DCDC2C: variants seen among roughly 807,000 people sequenced by gnomAD.
DCDC2C encodes the protein doublecortin domain containing 2C.
A neutral mutation model predicts 45.0 loss-of-function variants in DCDC2C; 44 were observed. That is an observed-to-expected ratio of 0.98 (90% CI 0.77 to 1.26). The LOEUF is 1.26. Ranked by LOEUF, DCDC2C falls within the 50% of genes most tolerant of loss-of-function variation. DCDC2C has a pLI of 0.00. For synonymous variants in DCDC2C, 187 were observed against 178.8 expected, an observed-to-expected ratio of 1.05 and a Z score of -0.37; for missense variants, 447 against 468.9, an observed-to-expected ratio of 0.95 and a Z score of 0.43.
chr2:3,786,894 G>A (rs1282830802), intron 10 of DCDC2C, among the ~76,000 whole-genome samples: 2 of 152,276 alleles, frequency 1.3e-5, no homozygotes, highest in Non-Finnish European at 2.9e-5. Flanking sequence ...CGAGGCAATG[G>A]ATTGGAAAGT....
chr2:3,831,177 C>A (rs79305671), intron 10 of DCDC2C, among the ~76,000 whole-genome samples: 3,787 of 151,988 alleles, frequency 0.025, 56 homozygotes, highest in Admixed American at 0.037. Context: ...TGTAGACAGC[C>A]CTCTTCCAAA....
At chr2:3,747,461 G>A (rs533730602) in intron 4 of DCDC2C, among the ~76,000 whole-genome samples, 2 of 152,370 alleles carry the variant, frequency 1.3e-5, no homozygotes, top group African/African-American at 4.8e-5. Flanking sequence ...GGGAGGCGAA[G>A]TGGGCCATTG....
chr2:3,820,181 A>T (rs1005632228), intron 10 of DCDC2C, among the ~76,000 whole-genome samples: 10 of 152,212 alleles, frequency 6.6e-5, no homozygotes, highest in Admixed American at 1.3e-4. Flanking sequence ...GACGAAAATC[A>T]TCCAGGTCTT....
chr2:3,773,743 A>G (rs1167583801), intron 8 of DCDC2C, among the ~76,000 whole-genome samples: 2 of 152,228 alleles, frequency 1.3e-5, no homozygotes, highest in Non-Finnish European at 2.9e-5. Context: ...TCTTGGGGAA[A>G]TAGTCTAGAA....
At chr2:3,784,656 G>A (rs1263915644) in intron 9 of DCDC2C, among the ~76,000 whole-genome samples, 1 of 152,068 alleles carries the variant, frequency 6.6e-6, no homozygotes, top group African/African-American at 2.4e-5. Flanking sequence ...ATTAACTTAT[G>A]TTTTACCAAT....
chr2:3,789,391 C>T (rs1670746848), intron 10 of DCDC2C, among the ~76,000 whole-genome samples: 1 of 152,118 alleles, frequency 6.6e-6, no homozygotes, highest in Non-Finnish European at 1.5e-5. Flanking sequence ...CATTGCTCAA[C>T]TTTATACTGT....
chr2:3,820,344 G>A (rs774655794), intron 10 of DCDC2C, among the ~76,000 whole-genome samples: 3 of 152,136 alleles, frequency 2.0e-5, no homozygotes, highest in South Asian at 2.1e-4. Flanking sequence ...GAGAACACAG[G>A]CTAAGGGAGA....
intron 2 of DCDC2C, among the ~76,000 whole-genome samples, chr2:3,712,492 A>AAAAG (rs1167034875): frequency 2.0e-5 from 3 of 148,446 alleles, no homozygotes; most frequent in African/African-American, 7.8e-5. Flanking sequence ...TCTCTACAAA[A>AAAAG]AAAAAAAAAA....
At chr2:3,844,672 T>C (rs542804433) in intron 10 of DCDC2C, 1 of 152,346 alleles carries the variant, frequency 6.6e-6, no homozygotes, top group African/African-American at 2.4e-5. Context: ...AAATCATGAA[T>C]TTCATATTTT....
At chr2:3,740,199 T>A (rs977150919) in intron 3 of DCDC2C, among the ~76,000 whole-genome samples, 2 of 152,268 alleles carry the variant, frequency 1.3e-5, no homozygotes, top group African/African-American at 4.8e-5. Context: ...ATGGTGTGGC[T>A]GTGGCATAAT....
At chr2:3,806,189 T>C (rs529120464) in intron 10 of DCDC2C, among the ~76,000 whole-genome samples, 1 of 152,304 alleles carries the variant, frequency 6.6e-6, no homozygotes, top group South Asian at 2.1e-4. Flanking sequence ...GATTTTGCAC[T>C]TCATGACTCC....
chr2:3,839,820 A>G (rs901692258), intron 10 of DCDC2C, among the ~76,000 whole-genome samples: 2 of 152,166 alleles, frequency 1.3e-5, no homozygotes, highest in African/African-American at 4.8e-5. Flanking sequence ...CCTCAGTCTC[A>G]TTATTTGGCT....
intron 10 of DCDC2C, among the ~76,000 whole-genome samples, chr2:3,831,439 T>A (rs1178019778): frequency 6.6e-6 from 1 of 152,246 alleles, no homozygotes; most frequent in Non-Finnish European, 1.5e-5. Context: ...ATGACCGTAC[T>A]GAATAACATC....
chr2:3,785,788 C>G (rs935174589), intron 10 of DCDC2C, among the ~76,000 whole-genome samples: 2 of 152,180 alleles, frequency 1.3e-5, no homozygotes, highest in African/African-American at 2.4e-5. Flanking sequence ...CACCTCAGCA[C>G]TCCGCAAAGG....
chr2:3,818,713 G>A lies in DCDC2C; in HGVS notation c.1066-28441G>A, dbSNP rs1671611880. Among the ~76,000 whole-genome samples, 1 of 152,104 alleles carries A rather than the reference G, an allele frequency of 6.6e-6. No individual in the cohort carries two copies. The highest frequency in any genetic ancestry group is 1.9e-4 in the East Asian group (1 of 5,184). ...AGGGATGGTAAGGGGTGCATGATCGGTCATCAAGGAGGGAGTAGAGGTGTC... is the reference window on the plus strand; with the variant it reads ...AGGGATGGTAAGGGGTGCATGATCGATCATCAAGGAGGGAGTAGAGGTGTC... On this transcript the variant is annotated intron_variant, in intron 10 of 10. Transcript: ENST00000399143. The surrounding 1 kb of genome is among the most constrained non-coding windows in gnomAD (Gnocchi z 4.7).
intron 10 of DCDC2C, among the ~76,000 whole-genome samples, chr2:3,824,769 T>G (rs574229756): frequency 3.6e-4 from 54 of 152,110 alleles, no homozygotes; most frequent in Non-Finnish European, 6.3e-4. Context: ...CTGATACTTG[T>G]CACTGGATGC....
At chr2:3,827,682 G>T (rs1486575923) in intron 10 of DCDC2C, among the ~76,000 whole-genome samples, 1 of 152,128 alleles carries the variant, frequency 6.6e-6, no homozygotes, top group East Asian at 1.9e-4. Context: ...TAAGAGAAAA[G>T]ACATCATTCA....
chr2:3,729,649 C>T (rs1668802787), intron 3 of DCDC2C, among the ~76,000 whole-genome samples: 2 of 152,232 alleles, frequency 1.3e-5, no homozygotes, highest in Admixed American at 1.3e-4. Flanking sequence ...AGGCCCTGTC[C>T]TGCCTGATGC....
At chr2:3,729,470 T>C (rs1668795274) in intron 3 of DCDC2C, among the ~76,000 whole-genome samples, 1 of 152,152 alleles carries the variant, frequency 6.6e-6, no homozygotes, top group Admixed American at 6.5e-5. Context: ...TGTGTGGAAG[T>C]GATTTGGGCG....
Sources: allele counts gnomAD v4.1 joint callset (sites outside exome capture counted in the v4.1 genomes callset), GRCh38; gene constraint gnomAD v4.1.1; non-coding constraint Gnocchi (gnomAD v3.1); transcripts MANE v1.5; gene names NCBI Gene and HGNC (gene_info 2026-07-23, HGNC 2026-07-21).